The following TENM2 variants were observed in gnomAD, a reference collection of about 807,000 sequenced individuals.
TENM2 encodes the protein teneurin transmembrane protein 2.
A neutral mutation model predicts 245.2 loss-of-function variants in TENM2; 52 were observed. That is an observed-to-expected ratio of 0.21 (90% CI 0.17 to 0.27). TENM2 has a LOEUF of 0.27. TENM2 is among the 10% of genes least tolerant of loss of function. The probability of loss-of-function intolerance (pLI) is 1.00; values close to 1 mark genes in which losing one functional copy is unlikely to be tolerated. For synonymous variants in TENM2, 1,363 were observed against 1,438.9 expected (o/e 0.95, Z 1.19); for missense variants, 3,046 against 3,666.8 (o/e 0.83, Z 4.37).
chr5:167,236,802 ATTCT>A, the TENM2 span, among the ~76,000 whole-genome samples: 1 of 151,808 alleles, frequency 6.6e-6, no homozygotes, highest in African/African-American at 2.4e-5. Context: ...ACAAGAATAT[ATTCT>A]TTCTTTCTGT....
chr5:167,232,898 C>A, the TENM2 span, among the ~76,000 whole-genome samples: 3 of 152,186 alleles, frequency 2.0e-5, 1 homozygote, highest in South Asian at 6.2e-4. Flanking sequence ...TCATCACCAC[C>A]ATTACCCAAA....
chr5:167,278,630 C>G, the TENM2 span, among the ~76,000 whole-genome samples: 7 of 152,026 alleles, frequency 4.6e-5, no homozygotes, highest in African/African-American at 1.5e-4. Flanking sequence ...ATTGTACATA[C>G]GTATCTTATC....
At chr5:167,453,785 C>A (rs1765747594) in intron 2 of TENM2, among the ~76,000 whole-genome samples, 1 of 152,170 alleles carries the variant, frequency 6.6e-6, no homozygotes, top group African/African-American at 2.4e-5. Context: ...AACATCCACT[C>A]ATCTCAACAT....
chr5:167,550,687 T>G (rs868768567), intron 2 of TENM2, among the ~76,000 whole-genome samples: 22 of 138,046 alleles, frequency 1.6e-4, no homozygotes, highest in Admixed American at 5.6e-4. Context: ...TACCTTTTTT[T>G]TTGTTGTTGT....
Position 167,495,298 on chromosome 5 carries a change from G to A in TENM2, c.502+119825G>A, listed in dbSNP as rs1329978986. Among the ~76,000 whole-genome samples the A allele has an allele frequency of 4.0e-5, 6 of 150,898 alleles. 1 individual carries two copies. The stretch of plus-strand genomic sequence containing the variant: ...GACAACCAGAATTAATACAAACATG[G>A]ACACAAATTTGGCAACAGCAAAATG... On this transcript the variant is annotated intron_variant, in intron 2 of 28. Transcript: ENST00000518659.
chr5:167,244,466 C>G, the TENM2 span, among the ~76,000 whole-genome samples: 1 of 152,148 alleles, frequency 6.6e-6, no homozygotes, highest in East Asian at 1.9e-4. Flanking sequence ...ACCATGTGAG[C>G]CACAAGCAGT....
intron 9 of TENM2, among the ~76,000 whole-genome samples, chr5:168,115,345 AAGGAGGGAAGGAAG>A (rs1382602021): frequency 1.6e-5 from 2 of 125,026 alleles, no homozygotes; most frequent in African/African-American, 3.2e-5. Flanking sequence ...GAAGGAAGGA[AAGGAGGGAAGGAAG>A]GGAAGGAAGG....
At position 168,139,518 on chromosome 5, in the gene TENM2, G is replaced by A. The variant is rs1167206951; in HGVS notation, c.2422+12552G>A. ...CAAAGGCTAGAAGTGAGAGAAACCA[G>A]TTCTCTTCCCATTTCCCCTTGGTAG... On this transcript the variant is annotated intron_variant, in intron 12 of 28. Coordinates refer to ENST00000518659, the Ensembl canonical transcript of TENM2. 6 of 456,470 alleles carry A rather than the reference G, an allele frequency of 1.3e-5. 1 individual carries two copies. The East Asian group carries it at 4.2e-4, about 32-fold the overall frequency. The allele number at this position is 456,470 out of a possible 1,614,324, so 28.3% of individuals were successfully genotyped here.
intron 2 of TENM2, among the ~76,000 whole-genome samples, chr5:167,519,275 A>C (rs774165213): frequency 3.9e-5 from 6 of 152,118 alleles, no homozygotes; most frequent in Non-Finnish European, 8.8e-5. Flanking sequence ...TCTTTATTTC[A>C]CATTTTCTAC....
intron 7 of TENM2, among the ~76,000 whole-genome samples, chr5:168,067,219 A>G (rs1790584122): frequency 6.6e-6 from 1 of 152,170 alleles, no homozygotes; most frequent in Admixed American, 6.5e-5. Flanking sequence ...AGCTCCAGCA[A>G]GTTGATTAAA....
rs936698801 is a variant in TENM2 at position 167,823,734 on chromosome 5, G to T, written c.503-52252G>T. Among the ~76,000 whole-genome samples the T allele has an allele frequency of 4.7e-4, 71 of 152,148 alleles. 2 individuals carry two copies. The highest frequency in any genetic ancestry group is 1.0e-4 in the Non-Finnish European group (7 of 68,026). Reference sequence around the variant, plus strand: ...GTTGTGACAGTTGCTGACCTGTGGAGCAAGTCACTTTTTTAACCCTTAAAA... The same window carrying T: ...GTTGTGACAGTTGCTGACCTGTGGATCAAGTCACTTTTTTAACCCTTAAAA... On this transcript the variant is annotated intron_variant, in intron 2 of 28. Coordinates refer to ENST00000518659, the Ensembl canonical transcript of TENM2.
At chr5:168,122,608 A>G (rs1055617955) in intron 10 of TENM2, among the ~76,000 whole-genome samples, 5 of 152,166 alleles carry the variant, frequency 3.3e-5, no homozygotes, top group Admixed American at 6.5e-5. Context: ...CCCCGAGACA[A>G]TGAATTCAAC....
chr5:167,643,148 G>GGGAAA (rs1779719916), intron 2 of TENM2, among the ~76,000 whole-genome samples: 1 of 152,160 alleles, frequency 6.6e-6, no homozygotes, highest in Admixed American at 6.5e-5. Flanking sequence ...TTGTCCATCT[G>GGGAAA]AGGGTAGAAT....
At chr5:167,262,142 A>C in the TENM2 span, among the ~76,000 whole-genome samples, 1 of 152,180 alleles carries the variant, frequency 6.6e-6, no homozygotes, top group Non-Finnish European at 1.5e-5. Context: ...ATAACACAAG[A>C]AAGAAGAGGA....
At chr5:167,642,733 G>A (rs898096305) in intron 2 of TENM2, among the ~76,000 whole-genome samples, 2 of 152,212 alleles carry the variant, frequency 1.3e-5, no homozygotes, top group Non-Finnish European at 2.9e-5. Context: ...TGGAGGAAAT[G>A]CAATGCTTGG....
intron 2 of TENM2, among the ~76,000 whole-genome samples, chr5:167,844,295 A>G (rs887305013): frequency 6.6e-6 from 1 of 152,244 alleles, no homozygotes; most frequent in Non-Finnish European, 1.5e-5. Context: ...TACAAGAGGC[A>G]AAAGGAAATG....
chr5:167,156,070 A>C, the TENM2 span, among the ~76,000 whole-genome samples: 1 of 152,214 alleles, frequency 6.6e-6, no homozygotes, highest in African/African-American at 2.4e-5. Context: ...CTAGTTGCTA[A>C]GGAATAAAAA....
chr5:167,051,263 T>C, the TENM2 span, among the ~76,000 whole-genome samples: 1 of 151,532 alleles, frequency 6.6e-6, no homozygotes, highest in Non-Finnish European at 1.5e-5. Flanking sequence ...TGGATTCAAA[T>C]GTCATCTTTG....
the TENM2 span, among the ~76,000 whole-genome samples, chr5:167,133,923 C>G: frequency 0.024 from 3,635 of 152,140 alleles, 136 homozygotes; most frequent in African/African-American, 0.082. Context: ...GAACTAAAGT[C>G]TTTTTTCACT....
Sources: allele counts gnomAD v4.1 joint callset (sites outside exome capture counted in the v4.1 genomes callset), GRCh38; gene constraint gnomAD v4.1.1; transcripts MANE v1.5; gene names NCBI Gene and HGNC (gene_info 2026-07-23, HGNC 2026-07-21).